ARHGAP29: variants seen among roughly 807,000 people sequenced by gnomAD.
The protein encoded by ARHGAP29 is Rho GTPase activating protein 29, also known as rho GTPase-activating protein 29.
ARHGAP29 carries 43 observed loss-of-function variants against 122.6 expected under a neutral mutation model. The observed-to-expected ratio is 0.35, with a 90% CI of 0.27 to 0.45. ARHGAP29 has a LOEUF of 0.45. Ranked by LOEUF, ARHGAP29 falls within the 20% of genes least tolerant of loss-of-function variation. The pLI, the probability that ARHGAP29 is intolerant of heterozygous loss-of-function variation, is 1.00. For missense variants in ARHGAP29, 1,303 were observed against 1,477.2 expected, an observed-to-expected ratio of 0.88 and a Z score of 1.93; for synonymous variants, 506 against 497.1, an observed-to-expected ratio of 1.02 and a Z score of -0.24.
chr1:94,196,734 C>A (rs1483953933), intron 12 of ARHGAP29, among the ~76,000 whole-genome samples: 2 of 152,010 alleles, frequency 1.3e-5, no homozygotes, highest in Non-Finnish European at 2.9e-5. Context: ...AGGAAGATAT[C>A]CAGAAAATCC....
At chr1:94,176,179 G>A (rs1044544674) in intron 22 of ARHGAP29, among the ~76,000 whole-genome samples, 1 of 152,198 alleles carries the variant, frequency 6.6e-6, no homozygotes, top group South Asian at 2.1e-4. Flanking sequence ...CCTGGGTCCT[G>A]GCTCAGCCCT....
intron 3 of ARHGAP29, among the ~76,000 whole-genome samples, chr1:94,217,679 A>C (rs1003327089): frequency 2.0e-5 from 3 of 151,996 alleles, no homozygotes; most frequent in African/African-American, 7.3e-5. Flanking sequence ...CCCTGTGAAA[A>C]ATTTTAGAAA....
At chr1:94,200,410 A>G (rs891599571) in intron 12 of ARHGAP29, among the ~76,000 whole-genome samples, 1 of 152,250 alleles carries the variant, frequency 6.6e-6, no homozygotes, top group Non-Finnish European at 1.5e-5. Context: ...CATGTCAAGG[A>G]CACAGAACAA....
At chr1:94,311,320 G>A in the ARHGAP29 span, among the ~76,000 whole-genome samples, 2 of 152,092 alleles carry the variant, frequency 1.3e-5, no homozygotes, top group South Asian at 4.1e-4. Flanking sequence ...TCTGTTCATG[G>A]AGGATGAAGG....
At chr1:94,212,453 G>T (rs1651696327) in intron 3 of ARHGAP29, among the ~76,000 whole-genome samples, 2 of 152,022 alleles carry the variant, frequency 1.3e-5, no homozygotes, top group South Asian at 4.1e-4. Context: ...AAAATACATT[G>T]TAGACTTTAA....
intron 3 of ARHGAP29, among the ~76,000 whole-genome samples, chr1:94,212,244 C>T (rs1053503378): frequency 2.6e-5 from 4 of 151,580 alleles, no homozygotes; most frequent in Non-Finnish European, 5.9e-5. Flanking sequence ...GGTGACAGAG[C>T]GAGACTCCAT....
chr1:94,310,648 C>A, the ARHGAP29 span, among the ~76,000 whole-genome samples: 1 of 152,192 alleles, frequency 6.6e-6, no homozygotes, highest in African/African-American at 2.4e-5. Context: ...ATTGATTAAT[C>A]CTACTTCCTT....
At chr1:94,222,495 T>G (rs7554714) in intron 2 of ARHGAP29, among the ~76,000 whole-genome samples, 2 of 152,070 alleles carry the variant, frequency 1.3e-5, no homozygotes, top group African/African-American at 4.8e-5. Flanking sequence ...ATCCCATAAC[T>G]CCGGTCTAAT....
In ARHGAP29 at chr1:94,169,114, AC is replaced by A. The variant is rs1648555754; in HGVS notation, c.*4754del. ...AAATTTCATAAATGTCTATGTTTAA[AC>A]ATTCCTGGTAAATATGTATAATCGT... On this transcript the variant is annotated 3_prime_UTR_variant, in exon 23 of 23. Transcript: ENST00000260526. Among the ~76,000 whole-genome samples the A allele has an allele frequency of 6.6e-6, 1 of 152,260 alleles. No individual in the cohort carries two copies. The highest frequency in any genetic ancestry group is 2.1e-4 in the South Asian group (1 of 4,834).
the ARHGAP29 span, among the ~76,000 whole-genome samples, chr1:94,281,836 T>C: frequency 6.6e-6 from 1 of 152,142 alleles, no homozygotes; most frequent in African/African-American, 2.4e-5. Flanking sequence ...TGCTGGGGAA[T>C]ATTTTTTTCC....
chr1:94,211,380 C>CA (rs1042187131), intron 3 of ARHGAP29, among the ~76,000 whole-genome samples: 12 of 133,812 alleles, frequency 9.0e-5, no homozygotes, highest in African/African-American at 3.3e-4. Context: ...AAAACTGCAA[C>CA]AAAAAACACA....
chr1:94,259,181 T>C (rs753742178), intron 1 of ARHGAP29, among the ~76,000 whole-genome samples: 3 of 152,176 alleles, frequency 2.0e-5, no homozygotes, highest in Non-Finnish European at 4.4e-5. Context: ...TTTTACTAGG[T>C]GTCTGTCCCT....
intron 3 of ARHGAP29, among the ~76,000 whole-genome samples, chr1:94,211,287 CAAAAA>C (rs71094285): frequency 5.6e-5 from 2 of 36,002 alleles, no homozygotes; most frequent in African/African-American, 2.2e-4. Flanking sequence ...GCTCTGGCTC[CAAAAA>C]AAAAAAAAAA....
the ARHGAP29 span, among the ~76,000 whole-genome samples, chr1:94,280,169 A>T: frequency 7.9e-5 from 12 of 152,052 alleles, no homozygotes; most frequent in African/African-American, 2.9e-4. Flanking sequence ...AGTCTACCAC[A>T]CTCATGATGG....
At chr1:94,212,565 T>A (rs1360108919) in intron 3 of ARHGAP29, among the ~76,000 whole-genome samples, 2 of 152,246 alleles carry the variant, frequency 1.3e-5, no homozygotes, top group Non-Finnish European at 2.9e-5. Context: ...CAAAATTGTA[T>A]AATTATTCTT....
chr1:94,228,375 G>T lies in ARHGAP29; in HGVS notation c.205+3032C>A, dbSNP rs113597936. 4.2e-4 allele frequency among the ~76,000 whole-genome samples: 63 copies of T among 151,660 alleles called. 1 individual carries two copies. Among genetic ancestry groups the T allele is most frequent in the Non-Finnish European group, 1.0e-4 (7 of 67,678 alleles). The stretch of plus-strand genomic sequence containing the variant: ...TAATCTCCAACTCTAATCAAATTTT[G>T]AATCACAGATTCGTAAAACTGATAG... On this transcript the variant is annotated intron_variant, in intron 2 of 22. Transcript: ENST00000260526.
intron 1 of ARHGAP29, among the ~76,000 whole-genome samples, chr1:94,246,371 A>G (rs907517117): frequency 2.6e-5 from 4 of 152,222 alleles, no homozygotes; most frequent in African/African-American, 7.2e-5. Context: ...ATTTTTCTTG[A>G]AAGGGGAATC....
intron 3 of ARHGAP29, among the ~76,000 whole-genome samples, chr1:94,219,659 C>G (rs1023499614): frequency 1.3e-5 from 2 of 152,184 alleles, no homozygotes; most frequent in Non-Finnish European, 2.9e-5. Context: ...CGCTCTCAAT[C>G]CTTCTTTTAT....
intron 12 of ARHGAP29, chr1:94,195,982 C>A (rs1650427487): frequency 6.6e-6 from 1 of 152,054 alleles, no homozygotes; most frequent in Non-Finnish European, 1.5e-5. Context: ...AACGGAGCTT[C>A]AAAATACATA....
Sources: allele counts gnomAD v4.1 joint callset (sites outside exome capture counted in the v4.1 genomes callset), GRCh38; gene constraint gnomAD v4.1.1; transcripts MANE v1.5; gene names NCBI Gene and HGNC (gene_info 2026-07-23, HGNC 2026-07-21).